Variants in SLC24A4 observed in about 807,000 individuals in gnomAD.
The protein encoded by SLC24A4 is sodium/potassium/calcium exchanger 4.
A neutral mutation model predicts 79.0 loss-of-function variants in SLC24A4; 53 were observed. The ratio of observed to expected loss-of-function variants is 0.67; its 90% CI spans 0.54 to 0.84. SLC24A4 has a LOEUF of 0.84. Ranked by LOEUF, SLC24A4 falls within the 40% of genes least tolerant of loss-of-function variation. The pLI is 0.00. For missense variants in SLC24A4, 731 were observed against 822.0 expected, an observed-to-expected ratio of 0.89 and a Z score of 1.35; for synonymous variants, 323 against 323.8, an observed-to-expected ratio of 1.00 and a Z score of 0.03.
chr14:92,422,018 C>T (rs1212754969), intron 2 of SLC24A4, among the ~76,000 whole-genome samples: 1 of 152,190 alleles, frequency 6.6e-6, no homozygotes, highest in African/African-American at 2.4e-5. Flanking sequence ...AAACAAACCA[C>T]GAGTGATTTC....
At chr14:92,338,604 A>G (rs1176240311) in intron 2 of SLC24A4, among the ~76,000 whole-genome samples, 2 of 152,176 alleles carry the variant, frequency 1.3e-5, no homozygotes, top group East Asian at 1.9e-4. Flanking sequence ...CACACTACAA[A>G]TGTCTGACTT....
chr14:92,473,386 G>C (rs748697506), intron 12 of SLC24A4, among the ~76,000 whole-genome samples: 1 of 151,990 alleles, frequency 6.6e-6, no homozygotes, highest in South Asian at 2.1e-4. Flanking sequence ...CCAGCCTGGT[G>C]GGCAAGTCTG....
At chr14:92,326,019 T>A in intron 2 of SLC24A4, 41 bp downstream of exon 2, 1 of 1,456,756 alleles carries the variant, frequency 6.9e-7, no homozygotes, top group Non-Finnish European at 9.6e-7. Flanking sequence ...ACTAAGATGT[T>A]TGGCCTGGCC....
chr14:92,431,003 A>G (rs1054301639), intron 2 of SLC24A4, among the ~76,000 whole-genome samples: 4 of 152,312 alleles, frequency 2.6e-5, no homozygotes, highest in Middle Eastern at 6.8e-3. Flanking sequence ...CAGGAAGCCC[A>G]TGGGAGGAGA....
Position 92,499,155 on chromosome 14 carries a change from C to T in SLC24A4, c.*5527C>T, listed in dbSNP as rs60220986. 0.17 allele frequency: 25,968 copies of T among 152,212 alleles called. 2,363 individuals carry two copies. Among genetic ancestry groups the T allele is most frequent in the East Asian group, 0.31 (1,631 of 5,188 alleles). 9.4% of individuals were successfully genotyped at this position (152,212 alleles called of 1,614,324 possible). On this transcript the variant is annotated 3_prime_UTR_variant, in exon 17 of 17. Coordinates refer to ENST00000532405, the MANE Select transcript of SLC24A4 (RefSeq NM_153646.4). ...ATTCACAAGCACACACTGCCAGGGG[C>T]ACGGGTTGTCTTTCACCTGCATGTT...
At chr14:92,395,916 G>C (rs896889121) in intron 2 of SLC24A4, among the ~76,000 whole-genome samples, 2 of 152,266 alleles carry the variant, frequency 1.3e-5, no homozygotes, top group Middle Eastern at 6.8e-3. Context: ...ACTTCCGCCT[G>C]CTGGGTTCAA....
intron 12 of SLC24A4, among the ~76,000 whole-genome samples, chr14:92,475,556 G>A (rs1267501867): frequency 1.3e-5 from 2 of 152,182 alleles, no homozygotes; most frequent in Non-Finnish European, 2.9e-5. Flanking sequence ...ATGGGCTGGC[G>A]GGGTTAACGG....
At chr14:92,361,715 G>A (rs1004834839) in intron 2 of SLC24A4, among the ~76,000 whole-genome samples, 3 of 152,190 alleles carry the variant, frequency 2.0e-5, no homozygotes, top group African/African-American at 7.2e-5. Context: ...GTCGGGAACA[G>A]AGAGGTGCGA....
chr14:92,438,979 T>C (rs1079363), intron 3 of SLC24A4, among the ~76,000 whole-genome samples: 17,401 of 152,216 alleles, frequency 0.11, 1,142 homozygotes, highest in African/African-American at 0.17. Context: ...CATTAACCTG[T>C]AGAAGATATT....
chr14:92,423,238 G>A (rs761577602), intron 2 of SLC24A4, among the ~76,000 whole-genome samples: 2 of 152,042 alleles, frequency 1.3e-5, no homozygotes, highest in Non-Finnish European at 2.9e-5. Flanking sequence ...TCCGCCTCCC[G>A]GGTTCAAGCA....
intron 2 of SLC24A4, among the ~76,000 whole-genome samples, chr14:92,402,335 C>T (rs1890158845): frequency 6.6e-6 from 1 of 152,034 alleles, no homozygotes; most frequent in Non-Finnish European, 1.5e-5. Context: ...ATATCAATAG[C>T]CTAAAGTTTT....
chr14:92,443,519 G>C, intron 7 of SLC24A4, 45 bp downstream of exon 7: 3 of 1,598,138 alleles, frequency 1.9e-6, no homozygotes, highest in Non-Finnish European at 2.6e-6. Flanking sequence ...CTGGGACCCT[G>C]CGAAGGCACA....
At chr14:92,409,795 A>G (rs773734156) in intron 2 of SLC24A4, among the ~76,000 whole-genome samples, 4 of 152,228 alleles carry the variant, frequency 2.6e-5, no homozygotes, top group Non-Finnish European at 4.4e-5. Context: ...CTAAATGTCC[A>G]TCAGTGACAG....
intron 2 of SLC24A4, among the ~76,000 whole-genome samples, chr14:92,348,190 A>G (rs1886651773): frequency 6.6e-6 from 1 of 152,110 alleles, no homozygotes; most frequent in African/African-American, 2.4e-5. Flanking sequence ...ACTTCCTTAA[A>G]TCTCATTTCC....
rs545790832 is a variant in SLC24A4 at position 92,445,297 on chromosome 14, CTG to C, written c.658-18_658-17del. The C allele has an allele frequency of 1.4e-4, 219 of 1,614,096 alleles. No homozygotes were observed. In the East Asian group the frequency reaches 4.5e-3, roughly 33 times the overall value. ...TAAATATGTCCCACCCACCTCAACT[CTG>C]TTTCTTTTGCCTTACAGTTCATATA... On this transcript the variant is annotated intron_variant, in intron 7 of 16. Coordinates refer to ENST00000532405, the MANE Select transcript of SLC24A4 (RefSeq NM_153646.4).
chr14:92,483,656 C>A, intron 13 of SLC24A4: 1 of 1,136,372 alleles, frequency 8.8e-7, no homozygotes, highest in Non-Finnish European at 1.2e-6. Flanking sequence ...TGGGTCAGGC[C>A]ACACAGGAGC....
intron 2 of SLC24A4, among the ~76,000 whole-genome samples, chr14:92,417,436 AAG>A (rs1891040133): frequency 6.6e-6 from 1 of 152,252 alleles, no homozygotes. Flanking sequence ...GTGCTATTAA[AAG>A]AGTCAAAAAG....
At chr14:92,479,207 C>G (rs1285476111) in intron 12 of SLC24A4, among the ~76,000 whole-genome samples, 1 of 152,042 alleles carries the variant, frequency 6.6e-6, no homozygotes, top group Non-Finnish European at 1.5e-5. Flanking sequence ...ATTTTCTTGG[C>G]TATAATCTCT....
chr14:92,378,403 T>C (rs1437824674), intron 2 of SLC24A4, among the ~76,000 whole-genome samples: 1 of 152,184 alleles, frequency 6.6e-6, no homozygotes, highest in African/African-American at 2.4e-5. Flanking sequence ...CCAGAATGTA[T>C]GGGGTTCTCA....
Sources: allele counts gnomAD v4.1 joint callset (sites outside exome capture counted in the v4.1 genomes callset), GRCh38; gene constraint gnomAD v4.1.1; transcripts MANE v1.5; gene names NCBI Gene and HGNC (gene_info 2026-07-23, HGNC 2026-07-21).